The following BICC1 variants were observed in gnomAD, a reference collection of about 807,000 sequenced individuals.
BICC1 encodes protein bicaudal C homolog 1.
BICC1 carries 43 observed loss-of-function variants against 111.0 expected under a neutral mutation model. That is an observed-to-expected ratio of 0.39 (90% CI 0.30 to 0.50). BICC1 has a LOEUF of 0.50. BICC1 is among the 20% of genes least tolerant of loss of function. BICC1 has a pLI of 0.88. For synonymous variants in BICC1, 467 were observed against 434.4 expected (o/e 1.07, Z -0.93); for missense variants, 1,091 against 1,203.2 (o/e 0.91, Z 1.38).
At chr10:58,821,242 C>G (rs1356188484) in intron 20 of BICC1, among the ~76,000 whole-genome samples, 1 of 152,050 alleles carries the variant, frequency 6.6e-6, no homozygotes, top group Non-Finnish European at 1.5e-5. Flanking sequence ...CAATAAAGTT[C>G]TTGAATGTCA....
At chr10:58,759,415 C>T (rs1046418326) in intron 3 of BICC1, among the ~76,000 whole-genome samples, 1 of 152,068 alleles carries the variant, frequency 6.6e-6, no homozygotes, top group Non-Finnish European at 1.5e-5. Context: ...AGGAAGCAGG[C>T]ATTTAAGTCC....
chr10:58,517,023 A>G (rs1220436922), intron 1 of BICC1, among the ~76,000 whole-genome samples: 1 of 152,182 alleles, frequency 6.6e-6, no homozygotes, highest in Non-Finnish European at 1.5e-5. Flanking sequence ...TTTCTTTGTA[A>G]AAACATATAT....
At chr10:58,613,190 A>G (rs1015872733) in intron 1 of BICC1, among the ~76,000 whole-genome samples, 1 of 152,180 alleles carries the variant, frequency 6.6e-6, no homozygotes, top group African/African-American at 2.4e-5. Flanking sequence ...TTATTCCCGG[A>G]GTTGTGTGTC....
At chr10:58,587,670 G>A (rs1564499720) in intron 1 of BICC1, among the ~76,000 whole-genome samples, 2 of 152,102 alleles carry the variant, frequency 1.3e-5, no homozygotes, top group East Asian at 3.9e-4. Flanking sequence ...CCTCTATGTT[G>A]TAAACATTTT....
chr10:58,582,957 C>CATAT (rs991379629), intron 1 of BICC1, among the ~76,000 whole-genome samples: 8 of 152,156 alleles, frequency 5.3e-5, no homozygotes, highest in Admixed American at 3.9e-4. Flanking sequence ...TGTAACCTAA[C>CATAT]ATATTCATAG....
chr10:58,542,160 A>AAC (rs894247565), intron 1 of BICC1, among the ~76,000 whole-genome samples: 16 of 146,870 alleles, frequency 1.1e-4, no homozygotes, highest in South Asian at 6.3e-4. Flanking sequence ...CAAAAAAAAA[A>AAC]AAAAAACAAA....
At chr10:58,647,729 T>G (rs1404423886) in intron 2 of BICC1, among the ~76,000 whole-genome samples, 1 of 152,014 alleles carries the variant, frequency 6.6e-6, no homozygotes, top group Non-Finnish European at 1.5e-5. Flanking sequence ...AGAGCTACCC[T>G]GCACCATTGC....
At chr10:58,607,344 A>ATAAATAAATAAATAAAT (rs1564510203) in intron 1 of BICC1, among the ~76,000 whole-genome samples, 4 of 151,852 alleles carry the variant, frequency 2.6e-5, no homozygotes, top group South Asian at 2.1e-4. Flanking sequence ...AAATAAATAA[A>ATAAATAAATAAATAAAT]ACTGTCATGC....
chr10:58,698,752 T>C (rs1840140528), intron 2 of BICC1, among the ~76,000 whole-genome samples: 1 of 152,194 alleles, frequency 6.6e-6, no homozygotes. Flanking sequence ...TGCCATGCTA[T>C]GTGCTTTGGG....
intron 1 of BICC1, among the ~76,000 whole-genome samples, chr10:58,589,466 T>C (rs1844534365): frequency 6.6e-6 from 1 of 151,804 alleles, no homozygotes; most frequent in South Asian, 2.1e-4. Flanking sequence ...CTTTACTTTT[T>C]TTTTTTTTAG....
At chr10:58,541,130 T>G (rs1014066912) in intron 1 of BICC1, among the ~76,000 whole-genome samples, 1 of 152,096 alleles carries the variant, frequency 6.6e-6, no homozygotes, top group African/African-American at 2.4e-5. Flanking sequence ...TCCTTTCTCT[T>G]TAAGATGATG....
chr10:58,817,529 A>G (rs1003408846), intron 18 of BICC1, 33 bp from the exon 19 acceptor site: 1 of 1,612,070 alleles, frequency 6.2e-7, no homozygotes. Flanking sequence ...CTGGGCATTT[A>G]CACTTCAAGC....
chr10:58,740,028 TTGA>T (rs1186441994), intron 3 of BICC1, among the ~76,000 whole-genome samples: 2 of 152,212 alleles, frequency 1.3e-5, no homozygotes, highest in Non-Finnish European at 2.9e-5. Context: ...GAGTCCTTGC[TTGA>T]TGATGTCTAG....
intron 3 of BICC1, among the ~76,000 whole-genome samples, chr10:58,735,608 A>G (rs977297192): frequency 2.0e-5 from 3 of 152,152 alleles, no homozygotes; most frequent in African/African-American, 4.8e-5. Flanking sequence ...TACCATCCCC[A>G]TTTATGATTG....
chr10:58,790,439 T>C (rs763782121), intron 8 of BICC1, among the ~76,000 whole-genome samples: 23 of 152,240 alleles, frequency 1.5e-4, no homozygotes, highest in Non-Finnish European at 2.8e-4. Context: ...GCGTCACTTA[T>C]TGAAGGAAGA....
At chr10:58,599,669 A>C (rs974697575) in intron 1 of BICC1, among the ~76,000 whole-genome samples, 1 of 152,078 alleles carries the variant, frequency 6.6e-6, no homozygotes, top group African/African-American at 2.4e-5. Context: ...AATTCCTCTG[A>C]ATTTTCTTTT....
At chr10:58,787,497 A>G (rs1302612559) in intron 5 of BICC1, among the ~76,000 whole-genome samples, 2 of 152,146 alleles carry the variant, frequency 1.3e-5, no homozygotes, top group Admixed American at 1.3e-4. Context: ...CTGACTTCTT[A>G]CATTGCCTTA....
intron 8 of BICC1, among the ~76,000 whole-genome samples, chr10:58,790,795 A>G (rs1234892882): frequency 6.6e-6 from 1 of 152,270 alleles, no homozygotes; most frequent in Admixed American, 6.5e-5. Flanking sequence ...ACTGCACTGC[A>G]TTTCAAAAAT....
chr10:58,565,252 A>G (rs1843720713), intron 1 of BICC1, among the ~76,000 whole-genome samples: 1 of 152,218 alleles, frequency 6.6e-6, no homozygotes, highest in Non-Finnish European at 1.5e-5. Flanking sequence ...TTACATAATT[A>G]TTTTGCATCT....
Sources: allele counts gnomAD v4.1 joint callset (sites outside exome capture counted in the v4.1 genomes callset), GRCh38; gene constraint gnomAD v4.1.1; transcripts MANE v1.5; gene names NCBI Gene and HGNC (gene_info 2026-07-23, HGNC 2026-07-21).